UGGT2: variants seen among roughly 807,000 people sequenced by gnomAD.
The protein encoded by UGGT2 is UDP-glucose glycoprotein glucosyltransferase 2.
UGGT2 carries 180 observed loss-of-function variants against 192.1 expected under a neutral mutation model. The observed-to-expected ratio is 0.94, with a 90% CI of 0.83 to 1.06. The LOEUF (loss-of-function observed/expected upper bound fraction) is 1.06, where lower values mean the gene tolerates loss of function less well. UGGT2 is among the 50% of genes least tolerant of loss of function. UGGT2 has a pLI of 0.00. For synonymous variants in UGGT2, 580 were observed against 591.0 expected (o/e 0.98, Z 0.27); for missense variants, 1,849 against 1,795.7 (o/e 1.03, Z -0.54).
chr13:96,012,368 C>T (rs1051951456), intron 5 of UGGT2, among the ~76,000 whole-genome samples: 1 of 151,856 alleles, frequency 6.6e-6, no homozygotes. Context: ...TAAAGGAAAT[C>T]GTTCAGGTAA....
chr13:95,813,060 C>T (rs1218132466), intron 38 of UGGT2, among the ~76,000 whole-genome samples: 1 of 152,092 alleles, frequency 6.6e-6, no homozygotes, highest in Non-Finnish European at 1.5e-5. Context: ...ATCACCCAGT[C>T]TCAGGTATTT....
At chr13:96,027,015 G>A (rs1456690957) in intron 2 of UGGT2, among the ~76,000 whole-genome samples, 1 of 152,038 alleles carries the variant, frequency 6.6e-6, no homozygotes, top group Non-Finnish European at 1.5e-5. Flanking sequence ...CTCAGAACTT[G>A]GGAGATATGG....
chr13:95,835,695 T>G (rs985830584), intron 37 of UGGT2, among the ~76,000 whole-genome samples: 7 of 152,160 alleles, frequency 4.6e-5, no homozygotes, highest in Non-Finnish European at 1.0e-4. Flanking sequence ...GTAAACAATT[T>G]TCTACACTTA....
chr13:95,907,585 C>T (rs766158668), intron 20 of UGGT2, among the ~76,000 whole-genome samples: 99 of 152,272 alleles, frequency 6.5e-4, no homozygotes, highest in Non-Finnish European at 1.1e-3. Flanking sequence ...CTGCAGCCTC[C>T]GCTGGTGATA....
chr13:95,804,196 A>G (rs1884199095), intron 38 of UGGT2, among the ~76,000 whole-genome samples: 1 of 152,210 alleles, frequency 6.6e-6, no homozygotes. Context: ...CTAAGAAGAC[A>G]ATTCTATTTA....
intron 31 of UGGT2, among the ~76,000 whole-genome samples, chr13:95,862,760 T>C (rs555620998): frequency 2.0e-5 from 3 of 152,302 alleles, no homozygotes; most frequent in South Asian, 2.1e-4. Flanking sequence ...CAGAAAACAG[T>C]AGACCTAAGA....
chr13:95,983,567 T>C (rs772096068), intron 10 of UGGT2: 10 of 591,864 alleles, frequency 1.7e-5, no homozygotes, highest in African/African-American at 3.6e-5. Flanking sequence ...AAGAAAACCA[T>C]ACTACCTCGG....
In UGGT2 at chr13:95,902,921, T is replaced by C; in HGVS notation, c.2435A>G (p.Gln812Arg). 2 of 1,613,588 alleles carry C rather than the reference T, an allele frequency of 1.2e-6. No individual in the cohort carries two copies. Among genetic ancestry groups the C allele is most frequent in the East Asian group, 4.5e-5 (2 of 44,794 alleles). Reference sequence around the variant, plus strand: ...TGTAGCAATTTCTTCCTTTGCCAGTTGCCCAAGAAAGCTTCTCAAAAACAT... The same window carrying C: ...TGTAGCAATTTCTTCCTTTGCCAGTCGCCCAAGAAAGCTTCTCAAAAACAT... ...KNMFLRSFLG[Q>R]LAKEEIATAI... The change falls in exon 21 of 39, where the codon CAA becomes CGA. Residue 812 changes from glutamine (Q) to arginine (R), a missense_variant. Physicochemically the swap from Gln to Arg is conservative, Grantham distance 43. Coordinates refer to ENST00000376747, the MANE Select transcript of UGGT2 (RefSeq NM_020121.4).
chr13:96,006,270 A>T (rs986862187), intron 5 of UGGT2, among the ~76,000 whole-genome samples: 2 of 152,224 alleles, frequency 1.3e-5, no homozygotes, highest in African/African-American at 2.4e-5. Context: ...AATTAAAAGC[A>T]CTGTAACAGA....
intron 1 of UGGT2, among the ~76,000 whole-genome samples, chr13:96,040,451 C>T (rs1038051367): frequency 6.6e-6 from 1 of 152,064 alleles, no homozygotes; most frequent in Non-Finnish European, 1.5e-5. Context: ...CTAGATAATC[C>T]AAGATGATCT....
In UGGT2 at chr13:95,976,865, G is replaced by A. The variant is rs529915348; in HGVS notation, c.1093-4194C>T. 5.3e-5 allele frequency among the ~76,000 whole-genome samples: 8 copies of A among 152,170 alleles called. No homozygotes were observed. The South Asian group carries it at 1.7e-3, about 32-fold the overall frequency. On this transcript the variant is annotated intron_variant, in intron 10 of 38. Transcript: ENST00000376747. The stretch of plus-strand genomic sequence containing the variant: ...ACCAAAACAGATACATAGATCAAAG[G>A]AAGAAAACAGAGGTCTCAGAAACAA...
intron 38 of UGGT2, among the ~76,000 whole-genome samples, chr13:95,830,763 C>A (rs569115474): frequency 6.6e-6 from 1 of 152,262 alleles, no homozygotes; most frequent in African/African-American, 2.4e-5. Flanking sequence ...TTTGACCCAG[C>A]CATCCCATTA....
At chr13:95,881,416 A>G (rs1224873364) in intron 27 of UGGT2, among the ~76,000 whole-genome samples, 1 of 152,144 alleles carries the variant, frequency 6.6e-6, no homozygotes, top group Non-Finnish European at 1.5e-5. Flanking sequence ...CTTTTCCCAA[A>G]TTTTGTAAGT....
At chr13:95,832,581 T>G (rs934837771) in intron 38 of UGGT2, 12 of 341,140 alleles carry the variant, frequency 3.5e-5, no homozygotes, top group Non-Finnish European at 5.8e-5. Flanking sequence ...TTATTAATTT[T>G]TAGGACTTGC....
At chr13:95,867,513 G>C (rs982305960) in intron 29 of UGGT2, 90 bp from the exon 30 acceptor site, 36 of 1,059,762 alleles carry the variant, frequency 3.4e-5, no homozygotes, top group African/African-American at 1.3e-4. Flanking sequence ...TGCAATAAAC[G>C]TAAGTCCAAT....
At chr13:95,963,930 A>G (rs1395336775) in intron 12 of UGGT2, among the ~76,000 whole-genome samples, 1 of 152,212 alleles carries the variant, frequency 6.6e-6, no homozygotes, top group Non-Finnish European at 1.5e-5. Context: ...TGCCCAAAGC[A>G]ATCTATAGAT....
At chr13:95,952,096 CAT>C (rs1355727185) in intron 12 of UGGT2, among the ~76,000 whole-genome samples, 1 of 150,952 alleles carries the variant, frequency 6.6e-6, no homozygotes, top group Non-Finnish European at 1.5e-5. Context: ...AGTAGGACAA[CAT>C]ATTGATTGGC....
rs181766963 is a variant in UGGT2 at position 96,013,802 on chromosome 13, T to A, written c.486-321A>T. Reference sequence around the variant, plus strand: ...TATGCAGTTAGGTTATAATTTTTCATTACAGCTCATATTTCCTGAAAACAA... The same window carrying A: ...TATGCAGTTAGGTTATAATTTTTCAATACAGCTCATATTTCCTGAAAACAA... On this transcript the variant is annotated intron_variant, in intron 4 of 38. Coordinates refer to ENST00000376747, the MANE Select transcript of UGGT2 (RefSeq NM_020121.4). Among the ~76,000 whole-genome samples the A allele has an allele frequency of 2.8e-4, 42 of 152,260 alleles. 1 individual carries two copies. The East Asian group carries it at 7.9e-3, about 29-fold the overall frequency.
intron 1 of UGGT2, among the ~76,000 whole-genome samples, chr13:96,052,457 ATAAACT>A (rs753517381): frequency 2.2e-4 from 34 of 152,170 alleles, no homozygotes; most frequent in Admixed American, 4.6e-4. Flanking sequence ...CTGTTCCCCA[ATAAACT>A]ATAGAAATGA....
Sources: allele counts gnomAD v4.1 joint callset (sites outside exome capture counted in the v4.1 genomes callset), GRCh38; gene constraint gnomAD v4.1.1; transcripts MANE v1.5; gene names NCBI Gene and HGNC (gene_info 2026-07-23, HGNC 2026-07-21).